The following DOCK3 variants were observed in gnomAD, a reference collection of about 807,000 sequenced individuals.
The protein encoded by DOCK3 is dedicator of cytokinesis protein 3.
A neutral mutation model predicts 265.6 loss-of-function variants in DOCK3; 60 were observed. The observed-to-expected ratio is 0.23, with a 90% CI of 0.18 to 0.28. The LOEUF is 0.28. Among genes scored for constraint, DOCK3 ranks in the 10% least tolerant of loss-of-function variants. The pLI is 1.00. For missense variants in DOCK3, 1,981 were observed against 2,594.3 expected, an observed-to-expected ratio of 0.76 and a Z score of 5.14; for synonymous variants, 881 against 938.0, an observed-to-expected ratio of 0.94 and a Z score of 1.11.
intron 1 of DOCK3, among the ~76,000 whole-genome samples, chr3:50,747,104 A>G (rs1385162995): frequency 1.3e-5 from 2 of 152,190 alleles, no homozygotes; most frequent in Admixed American, 1.3e-4. Context: ...GTAAAAAATC[A>G]ACTGTCTTTA....
chr3:50,924,512 T>C (rs941020280), intron 4 of DOCK3, among the ~76,000 whole-genome samples: 2 of 152,250 alleles, frequency 1.3e-5, no homozygotes, highest in Admixed American at 1.3e-4. Flanking sequence ...AACAGTGTTA[T>C]GGCAAATAGG....
intron 1 of DOCK3, among the ~76,000 whole-genome samples, chr3:50,763,993 CTATT>C (rs1398012628): frequency 6.6e-6 from 1 of 152,196 alleles, no homozygotes; most frequent in South Asian, 2.1e-4. Context: ...TGATCAAACA[CTATT>C]TAATTAATTC....
intron 2 of DOCK3, among the ~76,000 whole-genome samples, chr3:50,815,464 C>T (rs1211961209): frequency 1.3e-5 from 2 of 152,194 alleles, no homozygotes; most frequent in Non-Finnish European, 2.9e-5. Flanking sequence ...TTGTACCTCA[C>T]TTCATAATCA....
chr3:51,289,347 G>A (rs1179916168), intron 27 of DOCK3, among the ~76,000 whole-genome samples: 1 of 152,160 alleles, frequency 6.6e-6, no homozygotes, highest in Non-Finnish European at 1.5e-5. Context: ...GTTGTTATCA[G>A]CCTAAAATGC....
In DOCK3 at chr3:51,275,075, C is replaced by A; in HGVS notation, c.2549-4C>A. 6.2e-7 allele frequency: 1 copy of A among 1,613,904 alleles called. No homozygotes were observed. Among genetic ancestry groups the A allele is most frequent in the South Asian group, 1.1e-5 (1 of 91,078 alleles). ...TTTCTTCACCTTTGTATTTTCTCTC[C>A]CAGAATCCCGCCGCATCCTGCTTCC... On this transcript the variant is annotated splice_region_variant and splice_polypyrimidine_tract_variant and intron_variant, in intron 24 of 52. Coordinates refer to ENST00000266037, the MANE Select transcript of DOCK3 (RefSeq NM_004947.5).
chr3:51,184,390 A>G (rs2087477933), intron 12 of DOCK3, among the ~76,000 whole-genome samples: 1 of 152,112 alleles, frequency 6.6e-6, no homozygotes, highest in Admixed American at 6.5e-5. Flanking sequence ...AGAGTAGGTA[A>G]TATACAAAAT....
intron 1 of DOCK3, among the ~76,000 whole-genome samples, chr3:50,693,516 A>G (rs1576120321): frequency 7.5e-6 from 1 of 132,744 alleles, no homozygotes; most frequent in South Asian, 2.4e-4. Context: ...CATATTGTTC[A>G]TTAATTTCCT....
intron 27 of DOCK3, among the ~76,000 whole-genome samples, chr3:51,297,033 G>A (rs372640053): frequency 1.4e-5 from 2 of 139,168 alleles, no homozygotes; most frequent in East Asian, 2.2e-4. Context: ...CATGAGAATC[G>A]CTTGAATCCA....
chr3:50,875,019 A>G (rs1475972955), intron 3 of DOCK3, among the ~76,000 whole-genome samples: 2 of 152,150 alleles, frequency 1.3e-5, no homozygotes, highest in Non-Finnish European at 2.9e-5. Context: ...ATGAGAACAC[A>G]TGGACACAGG....
At chr3:51,089,449 C>T (rs2082553575) in intron 8 of DOCK3, among the ~76,000 whole-genome samples, 165 bp downstream of exon 8, 1 of 152,180 alleles carries the variant, frequency 6.6e-6, no homozygotes, top group Non-Finnish European at 1.5e-5. Context: ...CCAGACTCTA[C>T]TTCTACTGTG....
chr3:51,009,532 C>G (rs1452134113), intron 5 of DOCK3, among the ~76,000 whole-genome samples: 1 of 152,046 alleles, frequency 6.6e-6, no homozygotes. Context: ...TTCTTGCTAG[C>G]AGTCTATCAA....
At chr3:50,929,750 A>T (rs186600423) in intron 4 of DOCK3, among the ~76,000 whole-genome samples, 4 of 152,348 alleles carry the variant, frequency 2.6e-5, no homozygotes. Flanking sequence ...AATATGTCAA[A>T]ATAAGAACTT....
chr3:51,065,721 T>C (rs1453623944), intron 6 of DOCK3, among the ~76,000 whole-genome samples: 4 of 152,200 alleles, frequency 2.6e-5, no homozygotes, highest in Admixed American at 1.3e-4. Context: ...TTTAAGGACT[T>C]TAAAGTATAA....
At chr3:50,788,689 G>A (rs780925402) in intron 2 of DOCK3, among the ~76,000 whole-genome samples, 24 of 152,148 alleles carry the variant, frequency 1.6e-4, no homozygotes, top group Non-Finnish European at 2.9e-4. Context: ...ACCTGGCCTC[G>A]GCTGCTGGCC....
In DOCK3 at chr3:50,968,553, AT is replaced by A. The variant is rs749920591; in HGVS notation, c.315+34491del. On this transcript the variant is annotated intron_variant, in intron 5 of 52. Coordinates refer to ENST00000266037, the MANE Select transcript of DOCK3 (RefSeq NM_004947.5). ...CGAGAAGATACTTTCTATGATTTCA[AT>A]TTTTTTTTTTTTTTGAGACGGAGTC... is the stretch of plus-strand genomic sequence containing the variant. Among the ~76,000 whole-genome samples, 207 of 139,294 alleles carry A rather than the reference AT, an allele frequency of 1.5e-3. 1 individual carries two copies. The highest frequency in any genetic ancestry group is 2.9e-3 in the African/African-American group (112 of 38,098). 91.4% of individuals were successfully genotyped at this position (139,294 alleles called of 152,430 possible). A position where few individuals can be genotyped will look rare whatever the true frequency, so the allele number is the denominator to read the frequency against.
chr3:51,027,655 CTCT>C (rs1403104663), intron 5 of DOCK3, among the ~76,000 whole-genome samples: 1 of 152,000 alleles, frequency 6.6e-6, no homozygotes, highest in Non-Finnish European at 1.5e-5. Flanking sequence ...GGATAGTTAA[CTCT>C]TCTTGATGAA....
intron 5 of DOCK3, among the ~76,000 whole-genome samples, chr3:50,966,947 TA>T (rs925101714): frequency 1.3e-5 from 2 of 152,132 alleles, no homozygotes; most frequent in African/African-American, 4.8e-5. Flanking sequence ...CTCTTTCCTT[TA>T]AAAAAATCTT....
At chr3:50,945,005 A>C (rs551835177) in intron 5 of DOCK3, among the ~76,000 whole-genome samples, 1 of 152,264 alleles carries the variant, frequency 6.6e-6, no homozygotes, top group East Asian at 1.9e-4. Flanking sequence ...AAACCCAAAA[A>C]AGCTTTGTAG....
chr3:51,368,242 G>A (rs929862505), intron 49 of DOCK3, among the ~76,000 whole-genome samples: 11 of 152,166 alleles, frequency 7.2e-5, no homozygotes, highest in East Asian at 1.9e-4. Context: ...TGCAGCCCAC[G>A]GAGCAGGGCG....
Sources: allele counts gnomAD v4.1 joint callset (sites outside exome capture counted in the v4.1 genomes callset), GRCh38; gene constraint gnomAD v4.1.1; transcripts MANE v1.5; gene names NCBI Gene and HGNC (gene_info 2026-07-23, HGNC 2026-07-21).